The following PLXNA1 variants were observed in gnomAD, a reference collection of about 807,000 sequenced individuals.
PLXNA1 encodes the protein plexin A1.
A neutral mutation model predicts 191.7 loss-of-function variants in PLXNA1; 77 were observed. The observed-to-expected ratio is 0.40, with a 90% CI of 0.33 to 0.49. PLXNA1 has a LOEUF of 0.49. Ranked by LOEUF, PLXNA1 falls within the 20% of genes least tolerant of loss-of-function variation. The pLI is 0.63. For missense variants in PLXNA1, 2,110 were observed against 2,660.2 expected (o/e 0.79, Z 4.55); for synonymous variants, 1,137 against 1,156.4 (o/e 0.98, Z 0.34).
At chr3:127,012,350 G>A (rs2079100303) in intron 10 of PLXNA1, among the ~76,000 whole-genome samples, 192 bp downstream of exon 10, 1 of 152,256 alleles carries the variant, frequency 6.6e-6, no homozygotes, top group Admixed American at 6.5e-5. Flanking sequence ...GGGTCATGTA[G>A]GCAAGTGGGC....
intron 3 of PLXNA1, among the ~76,000 whole-genome samples, chr3:126,997,098 T>A (rs1363595984): frequency 6.6e-6 from 1 of 152,184 alleles, no homozygotes; most frequent in East Asian, 1.9e-4. Flanking sequence ...GCAAGACTCT[T>A]CCTTACTGTG....
rs2078981823 is a variant in PLXNA1, at chr3:126,989,761, A to C, written c.1168A>C (p.Asn390His). 6.2e-7 allele frequency: 1 copy of C among 1,611,056 alleles called. No homozygotes were observed. The highest frequency in any genetic ancestry group is 8.5e-7 in the Non-Finnish European group (1 of 1,178,816). The change falls in exon 2 of 32, where the codon AAC (asparagine) becomes CAC (histidine). Residue 390 changes from asparagine to histidine, a missense_variant. By Grantham distance (68) the Asn-to-His change is moderately conservative (BLOSUM62 1). Coordinates refer to ENST00000393409, the MANE Select transcript of PLXNA1 (RefSeq NM_032242.4). ...CAAGCTCTCCCTGCCGTGGCTGCTC[A>C]ACAAGGAGCTGGGCTGCATCAACTC... The part of the protein sequence containing the change: ...EGKLSLPWLL[N>H]KELGCINSPL...
chr3:127,003,884 C>T (rs1034350233), intron 4 of PLXNA1, among the ~76,000 whole-genome samples: 4 of 152,232 alleles, frequency 2.6e-5, no homozygotes, highest in Non-Finnish European at 5.9e-5. Context: ...GGTCTGCCCA[C>T]AGGGCCTGTG....
At chr3:127,027,380 A>G in intron 23 of PLXNA1, 1 of 342,804 alleles carries the variant, frequency 2.9e-6, no homozygotes, top group Non-Finnish European at 5.7e-6. Flanking sequence ...TCAGGTGGGT[A>G]TGTCAGTATC....
intron 31 of PLXNA1, 32 bp downstream of exon 31, chr3:127,032,868 A>G: frequency 1.2e-6 from 2 of 1,604,308 alleles, no homozygotes; most frequent in Non-Finnish European, 1.7e-6. Flanking sequence ...AGGCTGGGCT[A>G]GGAGGGCTTG....
At chr3:127,017,388 G>A (rs752751733) in intron 17 of PLXNA1, 37 bp from the exon 18 acceptor site, 54 of 1,598,408 alleles carry the variant, frequency 3.4e-5, no homozygotes, top group South Asian at 1.1e-4. Flanking sequence ...GGCCACTCGC[G>A]GAGGTCCCGC....
chr3:127,008,813 G>A (rs1041173633), intron 9 of PLXNA1, among the ~76,000 whole-genome samples: 4 of 152,138 alleles, frequency 2.6e-5, no homozygotes, highest in African/African-American at 9.7e-5. Flanking sequence ...GAGGTCCCCT[G>A]GCCCCCAGCG....
chr3:127,022,920 C>T, intron 23 of PLXNA1, 102 bp downstream of exon 23: 1 of 1,051,450 alleles, frequency 9.5e-7, no homozygotes, highest in Non-Finnish European at 1.5e-6. Context: ...AGAATGACAG[C>T]TGGTGGGGTC....
rs41266467 is a variant in PLXNA1 at position 127,003,461 on chromosome 3, C to T, written c.1509C>T (p.Thr503=). 0.082 allele frequency: 131,248 copies of T among 1,608,266 alleles called. 7,038 individuals are homozygous for T. The highest frequency in any genetic ancestry group is 0.26 in the East Asian group (11,758 of 44,586). Residue 503 remains threonine, a synonymous_variant, in exon 4 of 32, where the codon ACC becomes ACT. Transcript: ENST00000393409. ...SPNHQYLYAM[T]EKQVTRVPVE... ...ACCACCAGTACCTCTACGCCATGAC[C>T]GAGAAGCAGGTGGGTGCTGCACCAG...
intron 3 of PLXNA1, among the ~76,000 whole-genome samples, chr3:126,994,938 C>G (rs570472856): frequency 1.0e-3 from 153 of 152,228 alleles, no homozygotes; most frequent in East Asian, 3.7e-3. Context: ...CCGCCTCCTG[C>G]CTTCTTCACT....
rs1436746958 is a variant in PLXNA1, at chr3:127,020,215, G to A, written c.3909G>A (p.Leu1303=). 1.7e-5 allele frequency: 27 copies of A among 1,612,866 alleles called. No individual in the cohort carries two copies. Among genetic ancestry groups the A allele is most frequent in the Non-Finnish European group, 2.1e-5 (25 of 1,179,944 alleles). The change falls in exon 21 of 32, where the codon CTG becomes CTA. Residue 1303 remains leucine (L), a synonymous_variant. Transcript: ENST00000393409. The part of the protein sequence containing the change: ...ALECKEAFAE[L]QTDIHELTND... ...ATCTGGCCACAGCCTTTGCAGAGCT[G>A]CAGACAGACATCCACGAGCTGACCA...
In PLXNA1 at chr3:127,030,423, G is replaced by C. The variant is rs770844409; in HGVS notation, c.5231+11G>C. 6.2e-7 allele frequency: 1 copy of C among 1,613,258 alleles called. No individual in the cohort carries two copies. Among genetic ancestry groups the C allele is most frequent in the Non-Finnish European group, 8.5e-7 (1 of 1,179,786 alleles). ...CTGGAAGAGCAACTGGTAATGCAGG[G>C]CAGGGGGAGGAGGGGCATCCCCCAG... On this transcript the variant is annotated intron_variant, in intron 29 of 31. Coordinates refer to ENST00000393409, the MANE Select transcript of PLXNA1 (RefSeq NM_032242.4).
At chr3:126,994,006 T>G (rs528537146) in intron 3 of PLXNA1, among the ~76,000 whole-genome samples, 1 of 152,120 alleles carries the variant, frequency 6.6e-6, no homozygotes, top group East Asian at 1.9e-4. Context: ...CTCTGAGCCT[T>G]GGTGTCTCCT....
chr3:126,997,452 C>T (rs2079019536), intron 3 of PLXNA1, among the ~76,000 whole-genome samples: 1 of 152,156 alleles, frequency 6.6e-6, no homozygotes, highest in South Asian at 2.1e-4. Context: ...TTTGCTGTGC[C>T]CCCACTGGTA....
chr3:127,024,656 C>G (rs958236694), intron 23 of PLXNA1, among the ~76,000 whole-genome samples: 1 of 152,106 alleles, frequency 6.6e-6, no homozygotes, highest in African/African-American at 2.4e-5. Context: ...GGGCCAGGAG[C>G]TGTTAGATCT....
Position 127,014,801 on chromosome 3 carries a change from C to T in PLXNA1, c.2847C>T (p.Arg949=), listed in dbSNP as rs143270234. 42 of 1,612,664 alleles carry T rather than the reference C, an allele frequency of 2.6e-5. No homozygotes were observed. The highest frequency in any genetic ancestry group is 1.3e-4 in the East Asian group (6 of 44,888). ...VCVRDCSPHY[R]ALSPKRFTFV... ...TGCGGGACTGCTCACCACACTACCG[C>T]GCCCTGTCACCCAAGCGCTTCACCT... Residue 949 remains arginine, a synonymous_variant, in exon 14 of 32, where the codon CGC becomes CGT. Transcript: ENST00000393409.
chr3:127,032,897 A>G, intron 31 of PLXNA1, 61 bp downstream of exon 31: 1 of 1,541,172 alleles, frequency 6.5e-7, no homozygotes, highest in Non-Finnish European at 8.8e-7. Flanking sequence ...TGCCAGAGTC[A>G]CCTGCTCTGC....
intron 29 of PLXNA1, among the ~76,000 whole-genome samples, chr3:127,031,009 C>G (rs941354613): frequency 1.3e-5 from 2 of 152,188 alleles, no homozygotes; most frequent in Non-Finnish European, 2.9e-5. Flanking sequence ...AGGCACCCAG[C>G]CTCTGAGTGG....
chr3:126,996,981 G>A (rs1269876764), intron 3 of PLXNA1, among the ~76,000 whole-genome samples: 3 of 152,204 alleles, frequency 2.0e-5, no homozygotes, highest in Non-Finnish European at 4.4e-5. Flanking sequence ...ACCATCCCCG[G>A]CAGCCCCTCC....
Sources: allele counts gnomAD v4.1 joint callset (sites outside exome capture counted in the v4.1 genomes callset), GRCh38; gene constraint gnomAD v4.1.1; transcripts MANE v1.5; gene names NCBI Gene and HGNC (gene_info 2026-07-23, HGNC 2026-07-21).